AFTPH: variants seen among roughly 807,000 people sequenced by gnomAD.
AFTPH encodes aftiphilin.
AFTPH carries 7 observed loss-of-function variants against 72.5 expected under a neutral mutation model. The observed-to-expected ratio is 0.10, with a 90% CI of 0.05 to 0.18. The LOEUF is 0.18. Ranked by LOEUF, AFTPH falls within the 10% of genes least tolerant of loss-of-function variation. The probability of loss-of-function intolerance (pLI) is 1.00; values close to 1 mark genes in which losing one functional copy is unlikely to be tolerated. For synonymous variants in AFTPH, 337 were observed against 370.1 expected, an observed-to-expected ratio of 0.91 and a Z score of 1.03; for missense variants, 979 against 1,060.5, an observed-to-expected ratio of 0.92 and a Z score of 1.07.
chr2:64,550,703 A>ACACACACG (rs1670985770), intron 1 of AFTPH, among the ~76,000 whole-genome samples: 1 of 150,860 alleles, frequency 6.6e-6, no homozygotes, highest in Non-Finnish European at 1.5e-5. Context: ...ACACACACAC[A>ACACACACG]CACACACACA....
chr2:64,556,930 T>C (rs1222495807), intron 2 of AFTPH, among the ~76,000 whole-genome samples: 1 of 152,240 alleles, frequency 6.6e-6, no homozygotes, highest in East Asian at 1.9e-4. Flanking sequence ...GTATAAATTG[T>C]AGAGAAGGTA....
chr2:64,552,597 A>T (rs552765521), exon 2 of AFTPH: 1 of 1,614,164 alleles, frequency 6.2e-7, no homozygotes, highest in Non-Finnish European at 8.5e-7. Flanking sequence ...TTCTGTTAAA[A>T]CTTCTGATGA....
chr2:64,558,240 C>G (rs1015696998), intron 2 of AFTPH, among the ~76,000 whole-genome samples: 1 of 152,106 alleles, frequency 6.6e-6, no homozygotes, highest in East Asian at 1.9e-4. Flanking sequence ...GAAGGAATAT[C>G]AAGAGTTACC....
exon 2 of AFTPH, chr2:64,552,805 C>T (rs1271549705): frequency 1.9e-6 from 3 of 1,614,180 alleles, no homozygotes; most frequent in South Asian, 2.2e-5. Flanking sequence ...GCCAGTGGCT[C>T]AACTCCACCT....
At chr2:64,569,595 A>C (rs777498496) in intron 4 of AFTPH, 28 bp from the exon 5 acceptor site, 2 of 1,608,024 alleles carry the variant, frequency 1.2e-6, no homozygotes, top group South Asian at 2.2e-5. Flanking sequence ...CTCTAAATAT[A>C]TGTTCTTTCT....
intron 1 of AFTPH, among the ~76,000 whole-genome samples, chr2:64,547,673 CTTTA>C (rs777127455): frequency 1.3e-5 from 2 of 152,124 alleles, no homozygotes; most frequent in African/African-American, 2.4e-5. Flanking sequence ...CCATTATTAT[CTTTA>C]TTTCAGTGCT....
At position 64,561,902 on chromosome 2, in the gene AFTPH, C is replaced by T. The variant is rs77721064; in HGVS notation, c.1936-5660C>T. Among the ~76,000 whole-genome samples, 793 of 152,156 alleles carry T rather than the reference C, an allele frequency of 5.2e-3. 10 individuals are homozygous for T. Among genetic ancestry groups the T allele is most frequent in the African/African-American group, 0.018 (760 of 41,508 alleles). ...CATTTGCTTTAAGCATAGTTATCAC[C>T]GCACCATTTAACAGGTAAATCCCTT... is the stretch of plus-strand genomic sequence containing the variant. On this transcript the variant is annotated intron_variant, in intron 2 of 8. Coordinates refer to ENST00000238856, the Ensembl canonical transcript of AFTPH.
intron 1 of AFTPH, among the ~76,000 whole-genome samples, chr2:64,547,392 G>A (rs1196503240): frequency 1.3e-5 from 2 of 152,130 alleles, no homozygotes; most frequent in Non-Finnish European, 2.9e-5. Flanking sequence ...GGATATCCCA[G>A]AAGTGATCCT....
chr2:64,581,916 T>C (rs1336133573), intron 7 of AFTPH, among the ~76,000 whole-genome samples: 2 of 152,238 alleles, frequency 1.3e-5, no homozygotes, highest in Non-Finnish European at 2.9e-5. Flanking sequence ...TATGAGATAC[T>C]AAAAGCTAGA....
chr2:64,575,139 G>A (rs1558625973), intron 6 of AFTPH, among the ~76,000 whole-genome samples: 1 of 152,102 alleles, frequency 6.6e-6, no homozygotes, highest in Non-Finnish European at 1.5e-5. Flanking sequence ...TCCTCTAGCT[G>A]ATTTGATCTT....
At chr2:64,527,193 G>T (rs1298434651) in intron 1 of AFTPH, among the ~76,000 whole-genome samples, 1 of 152,308 alleles carries the variant, frequency 6.6e-6, no homozygotes, top group Admixed American at 6.5e-5. Context: ...CTTGTTAAGA[G>T]ATTAAGATTT....
At chr2:64,562,348 T>G (rs1671792130) in intron 2 of AFTPH, among the ~76,000 whole-genome samples, 1 of 152,000 alleles carries the variant, frequency 6.6e-6, no homozygotes, top group African/African-American at 2.4e-5. Flanking sequence ...CTTTTTTTTT[T>G]TTTTTTAATC....
At chr2:64,562,447 A>G (rs534184069) in intron 2 of AFTPH, among the ~76,000 whole-genome samples, 119 of 151,964 alleles carry the variant, frequency 7.8e-4, no homozygotes, top group African/African-American at 2.7e-3. Flanking sequence ...AGCTCTTGCA[A>G]TTTTTAGAAA....
At chr2:64,527,580 C>CAA (rs34338314) in intron 1 of AFTPH, among the ~76,000 whole-genome samples, 182 of 135,598 alleles carry the variant, frequency 1.3e-3, no homozygotes, top group South Asian at 5.1e-3. Flanking sequence ...AACATCATCT[C>CAA]AAAAAAAAAA....
chr2:64,574,220 T>C (rs1672634449), intron 6 of AFTPH, among the ~76,000 whole-genome samples: 1 of 152,240 alleles, frequency 6.6e-6, no homozygotes. Context: ...TTCTTAACCT[T>C]AGATGTCATT....
chr2:64,556,997 A>C (rs1309830656), intron 2 of AFTPH, among the ~76,000 whole-genome samples: 1 of 152,192 alleles, frequency 6.6e-6, no homozygotes, highest in Non-Finnish European at 1.5e-5. Flanking sequence ...TTGGCTAAAG[A>C]TTTAAAACAA....
intron 6 of AFTPH, among the ~76,000 whole-genome samples, chr2:64,576,631 ACT>A (rs970107742): frequency 6.6e-6 from 1 of 152,020 alleles, no homozygotes; most frequent in African/African-American, 2.4e-5. Context: ...TAGGGTCAAC[ACT>A]CTGACTGGCA....
intron 1 of AFTPH, among the ~76,000 whole-genome samples, chr2:64,540,915 G>GT (rs1295616837): frequency 6.6e-6 from 1 of 151,932 alleles, no homozygotes; most frequent in Non-Finnish European, 1.5e-5. Context: ...TTACTTGGAG[G>GT]TTTCAGAAAC....
intron 8 of AFTPH, among the ~76,000 whole-genome samples, chr2:64,587,798 A>C (rs970832047): frequency 1.3e-5 from 2 of 152,236 alleles, no homozygotes. Context: ...GCAAGTTCTT[A>C]GTTTTAAAAT....
Sources: allele counts gnomAD v4.1 joint callset (sites outside exome capture counted in the v4.1 genomes callset), GRCh38; gene constraint gnomAD v4.1.1; transcripts MANE v1.5; gene names NCBI Gene and HGNC (gene_info 2026-07-23, HGNC 2026-07-21).